Variants in MACROD2 observed in about 807,000 individuals in gnomAD.
The protein encoded by MACROD2 is ADP-ribose glycohydrolase MACROD2.
In MACROD2, 36 loss-of-function variants were observed where a neutral mutation model predicts 70.4. The observed-to-expected ratio is 0.51, with a 90% CI of 0.39 to 0.68. The LOEUF is 0.68. Among genes scored for constraint, MACROD2 ranks in the 30% least tolerant of loss-of-function variants. The pLI is 0.00. For synonymous variants in MACROD2, 172 were observed against 178.8 expected (o/e 0.96, Z 0.30); for missense variants, 496 against 538.4 (o/e 0.92, Z 0.78).
In MACROD2 at chr20:13,995,906, C is replaced by T. The variant is rs921154879; in HGVS notation, c.46+97C>T. The T allele has an allele frequency of 2.3e-5, 32 of 1,420,186 alleles. No homozygotes were observed. The East Asian group carries it at 4.0e-4, about 18-fold the overall frequency. 88.0% of individuals were successfully genotyped at this position (1,420,186 alleles called of 1,614,324 possible). A position where few individuals can be genotyped will look rare whatever the true frequency, so the allele number is the denominator to read the frequency against. On this transcript the variant is annotated intron_variant, in intron 1 of 17. Coordinates refer to ENST00000684519, the MANE Select transcript of MACROD2 (RefSeq NM_001351661.2). The surrounding 1 kb of genome is among the most constrained non-coding windows in gnomAD (Gnocchi z 4.3). Reference sequence around the variant, plus strand: ...TGCCGCGGCGCCCTCCGCCCGAGCTCCCGCCTCGCGCCCTCCCGGCCGGTG... The same window carrying T: ...TGCCGCGGCGCCCTCCGCCCGAGCTTCCGCCTCGCGCCCTCCCGGCCGGTG...
chr20:14,374,354 AC>A (rs1451260649), intron 3 of MACROD2, among the ~76,000 whole-genome samples: 1 of 152,124 alleles, frequency 6.6e-6, no homozygotes, highest in Non-Finnish European at 1.5e-5. Flanking sequence ...TAACAATGTG[AC>A]CCAAAATACT....
At position 14,641,609 on chromosome 20, in the gene MACROD2, T is replaced by A. The variant is rs138547303; in HGVS notation, c.302-43234T>A. 2.1e-3 allele frequency among the ~76,000 whole-genome samples: 319 copies of A among 152,340 alleles called. 7 individuals are homozygous for A. The highest frequency in any genetic ancestry group is 0.019 in the Admixed American group (295 of 15,294). On this transcript the variant is annotated intron_variant, in intron 4 of 17. Coordinates refer to ENST00000684519, the MANE Select transcript of MACROD2 (RefSeq NM_001351661.2). Reference sequence around the variant, plus strand: ...TTGATGGGCTACAGAATGGATGTTATGTTAGCATGCAAGAAAACAACATTA... The same window carrying A: ...TTGATGGGCTACAGAATGGATGTTAAGTTAGCATGCAAGAAAACAACATTA...
chr20:15,624,169 G>A (rs1190079921), intron 8 of MACROD2, among the ~76,000 whole-genome samples: 1 of 152,196 alleles, frequency 6.6e-6, no homozygotes, highest in African/African-American at 2.4e-5. Flanking sequence ...GGAGTCTGAT[G>A]TTTGAGGGCA....
chr20:14,070,038 G>C (rs1166167494), intron 2 of MACROD2, among the ~76,000 whole-genome samples: 1 of 151,966 alleles, frequency 6.6e-6, no homozygotes, highest in African/African-American at 2.4e-5. Context: ...TCTAGCCTTA[G>C]TCACCCCACC....
chr20:15,626,899 A>C (rs2049211527), intron 8 of MACROD2, among the ~76,000 whole-genome samples: 1 of 151,878 alleles, frequency 6.6e-6, no homozygotes, highest in South Asian at 2.1e-4. Context: ...ATATGTGGAT[A>C]GTTGAGGCCA....
intron 1 of MACROD2, among the ~76,000 whole-genome samples, chr20:13,996,603 G>A (rs1023957593): frequency 6.6e-6 from 1 of 151,990 alleles, no homozygotes; most frequent in Admixed American, 6.5e-5. Context: ...CAGCTAGATT[G>A]ACAGTGGCAC....
At chr20:15,182,718 A>G (rs899433378) in intron 5 of MACROD2, among the ~76,000 whole-genome samples, 8 of 152,326 alleles carry the variant, frequency 5.3e-5, no homozygotes, top group African/African-American at 1.9e-4. Context: ...GGTATTGTGT[A>G]GGATGGTTGA....
rs2071213326 is a variant in MACROD2, at chr20:14,702,592, T to TATACAC, written c.418+17636_418+17637insCACATA. Among the ~76,000 whole-genome samples, 2 of 3,796 alleles carry TATACAC rather than the reference T, an allele frequency of 5.3e-4. 1 individual carries two copies. Among genetic ancestry groups the TATACAC allele is most frequent in the Non-Finnish European group, 9.2e-4 (2 of 2,166 alleles). The allele number at this position is 3,796 out of a possible 152,430, so 2.5% of individuals were successfully genotyped here. On this transcript the variant is annotated intron_variant, in intron 5 of 17. Coordinates refer to ENST00000684519, the MANE Select transcript of MACROD2 (RefSeq NM_001351661.2). ...ACATATATGTGTATATATATGTATA[T>TATACAC]ATATGTGTGTATATATATGTGTATA...
At chr20:15,178,792 G>A (rs1421025101) in intron 5 of MACROD2, among the ~76,000 whole-genome samples, 1 of 152,220 alleles carries the variant, frequency 6.6e-6, no homozygotes, top group Non-Finnish European at 1.5e-5. Flanking sequence ...TTTCCAGAAA[G>A]GTCCCTGGCA....
chr20:15,998,240 T>G (rs898435795), intron 15 of MACROD2, among the ~76,000 whole-genome samples: 3 of 152,176 alleles, frequency 2.0e-5, no homozygotes, highest in Admixed American at 6.5e-5. Flanking sequence ...TTGGAAGAGT[T>G]TAGGTAAAAT....
In MACROD2 at chr20:15,284,534, T is replaced by C. The variant is rs538632044; in HGVS notation, c.540+54473T>C. ...AATACATGAAATCTATTTTTCTCTC[T>C]TTCTGTGATATTTGCAGTCTTTGAT... On this transcript the variant is annotated intron_variant, in intron 6 of 17. Coordinates refer to ENST00000684519, the MANE Select transcript of MACROD2 (RefSeq NM_001351661.2). 2.6e-5 allele frequency among the ~76,000 whole-genome samples: 4 copies of C among 152,346 alleles called. No individual in the cohort carries two copies. The South Asian group carries it at 8.3e-4, about 32-fold the overall frequency.
At chr20:14,241,041 G>A (rs1216529111) in intron 3 of MACROD2, among the ~76,000 whole-genome samples, 2 of 152,080 alleles carry the variant, frequency 1.3e-5, no homozygotes, top group African/African-American at 2.4e-5. Context: ...ACCTGAACCC[G>A]GGAGGCGGAG....
intron 2 of MACROD2, among the ~76,000 whole-genome samples, chr20:14,061,526 A>C (rs1448068017): frequency 1.3e-5 from 2 of 152,074 alleles, no homozygotes; most frequent in Non-Finnish European, 2.9e-5. Flanking sequence ...CATTGAAGGA[A>C]AAGGTTGCGA....
At chr20:15,960,027 C>T (rs1365816948) in intron 12 of MACROD2, among the ~76,000 whole-genome samples, 1 of 152,144 alleles carries the variant, frequency 6.6e-6, no homozygotes, top group Non-Finnish European at 1.5e-5. Flanking sequence ...TTTCAGCAGC[C>T]CCATGAACTG....
chr20:15,793,049 A>G (rs2063639469), intron 8 of MACROD2, among the ~76,000 whole-genome samples: 1 of 152,210 alleles, frequency 6.6e-6, no homozygotes, highest in Non-Finnish European at 1.5e-5. Flanking sequence ...CACCTACAAG[A>G]TAAATGACGT....
intron 3 of MACROD2, among the ~76,000 whole-genome samples, chr20:14,169,316 G>T (rs1421972113): frequency 2.0e-5 from 3 of 151,542 alleles, no homozygotes; most frequent in Non-Finnish European, 2.9e-5. Context: ...TTTTGGGGGG[G>T]GGCGGTGGAC....
intron 5 of MACROD2, among the ~76,000 whole-genome samples, chr20:15,085,857 TAACACACACACACAC>T (rs1159521695): frequency 3.7e-5 from 5 of 136,166 alleles, no homozygotes; most frequent in African/African-American, 1.4e-4. Flanking sequence ...TAAAGATGAA[TAACACACACACACAC>T]AACACACACA....
chr20:14,227,195 G>T (rs1343521200), intron 3 of MACROD2, among the ~76,000 whole-genome samples: 1 of 152,084 alleles, frequency 6.6e-6, no homozygotes, highest in East Asian at 1.9e-4. Flanking sequence ...ACCAATCAGC[G>T]CCCTGTGGAA....
At chr20:15,337,528 A>C (rs1398534837) in intron 6 of MACROD2, among the ~76,000 whole-genome samples, 1 of 151,850 alleles carries the variant, frequency 6.6e-6, no homozygotes, top group Non-Finnish European at 1.5e-5. Flanking sequence ...TGTTTACAAT[A>C]TGATGTCTTG....
Sources: allele counts gnomAD v4.1 joint callset (sites outside exome capture counted in the v4.1 genomes callset), GRCh38; gene constraint gnomAD v4.1.1; non-coding constraint Gnocchi (gnomAD v3.1); transcripts MANE v1.5; gene names NCBI Gene and HGNC (gene_info 2026-07-23, HGNC 2026-07-21).